Variants in HTR3B observed in about 807,000 individuals in gnomAD.
HTR3B encodes the protein 5-hydroxytryptamine receptor 3B.
In HTR3B, 44 loss-of-function variants were observed where a neutral mutation model predicts 42.8. The observed-to-expected ratio is 1.03, with a 90% CI of 0.81 to 1.32. HTR3B has a LOEUF of 1.32. Ranked by LOEUF, HTR3B falls within the 40% of genes most tolerant of loss-of-function variation. The probability of loss-of-function intolerance (pLI) is 0.00; values close to 1 mark genes in which losing one functional copy is unlikely to be tolerated. For missense variants in HTR3B, 527 were observed against 536.5 expected, an observed-to-expected ratio of 0.98 and a Z score of 0.17; for synonymous variants, 203 against 209.0, an observed-to-expected ratio of 0.97 and a Z score of 0.25.
rs1448070932 is a variant in HTR3B, at chr11:113,947,193, T to C, written c.*1056T>C. Among the ~76,000 whole-genome samples, 2 of 151,094 alleles carry C rather than the reference T, an allele frequency of 1.3e-5. No individual in the cohort carries two copies. Among genetic ancestry groups the C allele is most frequent in the Non-Finnish European group, 2.9e-5 (2 of 67,862 alleles). On this transcript the variant is annotated 3_prime_UTR_variant, in exon 9 of 9. Coordinates refer to ENST00000260191, the MANE Select transcript of HTR3B (RefSeq NM_006028.5). ...ATCTTGGCTCACTGTAACCTCCACC[T>C]CCCGGGTTCAAGCAATTCCCCTGCC...
At chr11:113,908,384 C>A (rs1309678457) in intron 1 of HTR3B, among the ~76,000 whole-genome samples, 2 of 152,182 alleles carry the variant, frequency 1.3e-5, no homozygotes, top group African/African-American at 4.8e-5. Flanking sequence ...ACAGCCCAGG[C>A]AAATTCACAC....
chr11:113,932,790 C>A (rs562631141), intron 5 of HTR3B, 146 bp from the exon 6 acceptor site: 4 of 754,582 alleles, frequency 5.3e-6, no homozygotes, highest in Non-Finnish European at 8.7e-6. Flanking sequence ...ATTCCACATC[C>A]CTACCCCCTA....
At chr11:113,932,755 G>GT (rs990558989) in intron 5 of HTR3B, among the ~76,000 whole-genome samples, 181 bp from the exon 6 acceptor site, 1 of 152,066 alleles carries the variant, frequency 6.6e-6, no homozygotes, top group Admixed American at 6.6e-5. Flanking sequence ...CACAGTTGTT[G>GT]TTTTTTTATG....
At position 113,932,212 on chromosome 11, in the gene HTR3B, C is replaced by T. The variant is rs1176745; in HGVS notation, c.369-77C>T. ...CTGGTCCTGGACCTCATGGTCACTACCATCTCCTAATCAGCCTATGTTTTG... is the reference window on the plus strand; with the variant it reads ...CTGGTCCTGGACCTCATGGTCACTATCATCTCCTAATCAGCCTATGTTTTG... On this transcript the variant is annotated intron_variant, in intron 4 of 8. Transcript: ENST00000260191. 8,253 of 1,215,430 alleles carry T rather than the reference C, an allele frequency of 6.8e-3. 396 individuals are homozygous for T. In the African/African-American group the frequency reaches 0.11, roughly 16 times the overall value. The allele number at this position is 1,215,430 out of a possible 1,614,324, so 75.3% of individuals were successfully genotyped here. A position where few individuals can be genotyped will look rare whatever the true frequency, so the allele number is the denominator to read the frequency against.
chr11:113,903,974 CT>C (rs1339897020), upstream of HTR3B, among the ~76,000 whole-genome samples: 6 of 152,270 alleles, frequency 3.9e-5, no homozygotes, highest in South Asian at 6.2e-4. Context: ...CAAATATATA[CT>C]TTCCCCCCTT....
chr11:113,908,082 A>G (rs1388591407), intron 1 of HTR3B, among the ~76,000 whole-genome samples: 1 of 152,168 alleles, frequency 6.6e-6, no homozygotes, highest in East Asian at 1.9e-4. Context: ...GTGGATTGTT[A>G]GGGAGTTAAA....
chr11:113,901,678 G>A (rs1949698622), upstream of HTR3B, among the ~76,000 whole-genome samples: 1 of 152,192 alleles, frequency 6.6e-6, no homozygotes, highest in Admixed American at 6.5e-5. Context: ...TTACTAGACT[G>A]TTGTTAAGTT....
chr11:113,903,224 C>T (rs10789970), upstream of HTR3B, among the ~76,000 whole-genome samples: 77,058 of 151,684 alleles, frequency 0.51, 20,274 homozygotes, highest in African/African-American at 0.63. Context: ...CAGTATGCCA[C>T]TGTCTCATCT....
At chr11:113,943,928 C>T (rs1340852870) in intron 7 of HTR3B, among the ~76,000 whole-genome samples, 1 of 151,732 alleles carries the variant, frequency 6.6e-6, no homozygotes, top group East Asian at 1.9e-4. Context: ...TGCAGTGGCT[C>T]ACACCTATAA....
intron 2 of HTR3B, among the ~76,000 whole-genome samples, chr11:113,910,833 C>CTTT (rs11380661): frequency 1.3e-4 from 18 of 140,336 alleles, no homozygotes; most frequent in South Asian, 2.2e-4. Context: ...GTTTTCTTTT[C>CTTT]TTTTTTTTTT....
intron 6 of HTR3B, among the ~76,000 whole-genome samples, chr11:113,940,043 C>T (rs1164723989): frequency 2.0e-5 from 3 of 152,098 alleles, no homozygotes; most frequent in African/African-American, 7.2e-5. Flanking sequence ...CATGCCACCA[C>T]ACCTGGCTGA....
chr11:113,928,903 T>A (rs1293778849), intron 2 of HTR3B, among the ~76,000 whole-genome samples: 1 of 152,242 alleles, frequency 6.6e-6, no homozygotes, highest in Non-Finnish European at 1.5e-5. Context: ...ATTTTGCTTA[T>A]CTATTCATCT....
intron 7 of HTR3B, among the ~76,000 whole-genome samples, chr11:113,943,490 C>T (rs1295203055): frequency 6.6e-6 from 1 of 152,060 alleles, no homozygotes; most frequent in African/African-American, 2.4e-5. Flanking sequence ...CACACCACTA[C>T]ACCTGGCTAA....
At chr11:113,928,344 T>C (rs558499587) in intron 2 of HTR3B, among the ~76,000 whole-genome samples, 5 of 152,314 alleles carry the variant, frequency 3.3e-5, no homozygotes, top group African/African-American at 1.2e-4. Context: ...AAACTGAAAC[T>C]GTTTACCCAT....
chr11:113,903,782 T>A (rs1949713106), upstream of HTR3B, among the ~76,000 whole-genome samples: 1 of 152,248 alleles, frequency 6.6e-6, no homozygotes, highest in Non-Finnish European at 1.5e-5. Context: ...GGGTTCACAC[T>A]GATACCTCCA....
At chr11:113,909,478 C>G (rs1210581796) in intron 2 of HTR3B, 23 bp downstream of exon 2, 5 of 1,601,248 alleles carry the variant, frequency 3.1e-6, no homozygotes, top group African/African-American at 2.7e-5. Context: ...TTGCCCCTTC[C>G]TATTCTTGTT....
chr11:113,940,233 G>A (rs928462998), intron 6 of HTR3B, among the ~76,000 whole-genome samples: 5 of 152,098 alleles, frequency 3.3e-5, no homozygotes, highest in Non-Finnish European at 7.4e-5. Context: ...AACCAACATG[G>A]CTTCTTGTAC....
chr11:113,930,487 CTTTT>C (rs528919776), intron 2 of HTR3B, among the ~76,000 whole-genome samples: 1 of 121,938 alleles, frequency 8.2e-6, no homozygotes. Flanking sequence ...TTTCTTTTCT[CTTTT>C]TTTTTTTTTT....
intron 5 of HTR3B, 113 bp from the exon 6 acceptor site, chr11:113,932,823 T>C (rs1408857016): frequency 1.9e-6 from 2 of 1,030,466 alleles, no homozygotes; most frequent in Non-Finnish European, 2.9e-6. Context: ...CCAAGGAGAC[T>C]GTGCCTATGG....
Sources: allele counts gnomAD v4.1 joint callset (sites outside exome capture counted in the v4.1 genomes callset), GRCh38; gene constraint gnomAD v4.1.1; transcripts MANE v1.5; gene names NCBI Gene and HGNC (gene_info 2026-07-23, HGNC 2026-07-21).